Variants in SDK1 observed in about 807,000 individuals in gnomAD.
SDK1 encodes protein sidekick-1.
In SDK1, 157 loss-of-function variants were observed where a neutral mutation model predicts 245.5. The observed-to-expected ratio is 0.64, with a 90% CI of 0.56 to 0.73. The LOEUF is 0.73. SDK1 is among the 30% of genes least tolerant of loss of function. The pLI is 0.00. For missense variants in SDK1, 3,583 were observed against 3,002.3 expected (o/e 1.19, Z -4.52); for synonymous variants, 1,647 against 1,278.5 (o/e 1.29, Z -6.15).
At chr7:4,260,825 C>T (rs1787954741) in intron 44 of SDK1, among the ~76,000 whole-genome samples, 1 of 149,168 alleles carries the variant, frequency 6.7e-6, no homozygotes, top group African/African-American at 2.5e-5. Flanking sequence ...GCTGGCTGCT[C>T]CGGGGTCTCT....
chr7:3,637,831 A>G (rs1562621029), intron 2 of SDK1, among the ~76,000 whole-genome samples: 1 of 152,240 alleles, frequency 6.6e-6, no homozygotes, highest in Admixed American at 6.5e-5. Flanking sequence ...AAGTGAATAC[A>G]TTGTGCTGAG....
At chr7:3,665,916 A>G (rs1267880790) in intron 4 of SDK1, among the ~76,000 whole-genome samples, 1 of 152,046 alleles carries the variant, frequency 6.6e-6, no homozygotes, top group Non-Finnish European at 1.5e-5. Context: ...TATGAAGGGC[A>G]GGGAAACTCA....
chr7:3,693,197 G>A (rs1289081090), intron 4 of SDK1, among the ~76,000 whole-genome samples: 1 of 151,998 alleles, frequency 6.6e-6, no homozygotes, highest in Non-Finnish European at 1.5e-5. Flanking sequence ...CTTTGAGACT[G>A]TGTGGTTATA....
At chr7:4,224,044 C>T (rs756613411) in intron 40 of SDK1, among the ~76,000 whole-genome samples, 4 of 152,158 alleles carry the variant, frequency 2.6e-5, no homozygotes, top group East Asian at 1.9e-4. Context: ...CAAGGAACCA[C>T]GTCGCTAAAC....
chr7:3,684,581 A>T (rs961139033), intron 4 of SDK1, among the ~76,000 whole-genome samples: 2 of 152,244 alleles, frequency 1.3e-5, no homozygotes, highest in Non-Finnish European at 2.9e-5. Context: ...AATATGTGGG[A>T]TATACCTGAA....
rs145846291 is a variant in SDK1, at chr7:3,946,956, A to G, written c.848-3967A>G. The stretch of plus-strand genomic sequence containing the variant: ...TATTTAGCCCTTTGTGCTAATATTT[A>G]ACTCCGTGTCTTAACAATATGTGTC... On this transcript the variant is annotated intron_variant, in intron 5 of 44. Coordinates refer to ENST00000404826, the MANE Select transcript of SDK1 (RefSeq NM_152744.4). Among the ~76,000 whole-genome samples the G allele has an allele frequency of 3.2e-4, 49 of 152,310 alleles. No individual in the cohort carries two copies. In the East Asian group the frequency reaches 3.5e-3, roughly 11 times the overall value.
At chr7:3,791,422 G>C (rs1035658515) in intron 4 of SDK1, among the ~76,000 whole-genome samples, 1 of 152,204 alleles carries the variant, frequency 6.6e-6, no homozygotes, top group Non-Finnish European at 1.5e-5. Context: ...CATGGTGTGA[G>C]CATAAGGAAA....
chr7:3,918,087 G>C (rs754005103), intron 5 of SDK1, among the ~76,000 whole-genome samples: 2 of 152,154 alleles, frequency 1.3e-5, no homozygotes, highest in African/African-American at 4.8e-5. Flanking sequence ...TCTTAGACTG[G>C]ATCTCAGTTC....
chr7:3,944,851 C>G (rs140647681), intron 5 of SDK1, among the ~76,000 whole-genome samples: 9 of 152,188 alleles, frequency 5.9e-5, no homozygotes, highest in Non-Finnish European at 1.0e-4. Flanking sequence ...GGAGGCATCA[C>G]AACCACCTGG....
intron 5 of SDK1, among the ~76,000 whole-genome samples, chr7:3,847,054 C>T (rs1050642440): frequency 1.3e-5 from 2 of 151,910 alleles, no homozygotes; most frequent in African/African-American, 4.8e-5. Context: ...TGTAATCACG[C>T]TTCTTTTTTT....
Position 3,715,039 on chromosome 7 carries a change from ATC to A in SDK1, c.713+72939_713+72940del, listed in dbSNP as rs538256356. Among the ~76,000 whole-genome samples, 603 of 152,344 alleles carry A rather than the reference ATC, an allele frequency of 4.0e-3. 9 individuals are homozygous for A. Among genetic ancestry groups the A allele is most frequent in the African/African-American group, 0.014 (564 of 41,580 alleles). On this transcript the variant is annotated intron_variant, in intron 4 of 44. Transcript: ENST00000404826. ...GAAGAATCAAGTAGAGAGAATACTCATCTCTCAGATGCCTCAGCTTCTCCAAT... is the reference window on the plus strand; with the variant it reads ...GAAGAATCAAGTAGAGAGAATACTCATCTCAGATGCCTCAGCTTCTCCAAT...
intron 40 of SDK1, among the ~76,000 whole-genome samples, chr7:4,232,040 TA>T (rs1785807724): frequency 1.5e-5 from 2 of 129,366 alleles, no homozygotes; most frequent in African/African-American, 2.8e-5. Context: ...CCTCTGAGCC[TA>T]CTTTTTTTTT....
Position 4,077,341 on chromosome 7 carries a change from T to C in SDK1, c.3202+152T>C, listed in dbSNP as rs545709238. Reference sequence around the variant, plus strand: ...CAAGATGCTGGAGGGTAAATGGGTGTTGACCCCACTTCAGCCCCATTCTCC... The same window carrying C: ...CAAGATGCTGGAGGGTAAATGGGTGCTGACCCCACTTCAGCCCCATTCTCC... On this transcript the variant is annotated intron_variant, in intron 21 of 44. Coordinates refer to ENST00000404826, the MANE Select transcript of SDK1 (RefSeq NM_152744.4). The C allele has an allele frequency of 1.4e-4, 102 of 704,458 alleles. No individual in the cohort carries two copies. The African/African-American group carries it at 1.6e-3, about 11-fold the overall frequency. 43.6% of individuals were successfully genotyped at this position (704,458 alleles called of 1,614,324 possible).
chr7:3,597,375 C>T (rs190421412), intron 1 of SDK1, among the ~76,000 whole-genome samples: 12 of 151,960 alleles, frequency 7.9e-5, no homozygotes, highest in Non-Finnish European at 1.3e-4. Flanking sequence ...TCAACTTCTC[C>T]ATTTTCACAT....
At chr7:3,570,274 A>C (rs1012090314) in intron 1 of SDK1, among the ~76,000 whole-genome samples, 2 of 152,186 alleles carry the variant, frequency 1.3e-5, no homozygotes, top group Non-Finnish European at 2.9e-5. Context: ...ATCAGGCATT[A>C]GTTAGATTCT....
At chr7:3,900,882 C>T (rs1270104573) in intron 5 of SDK1, among the ~76,000 whole-genome samples, 3 of 152,116 alleles carry the variant, frequency 2.0e-5, no homozygotes, top group East Asian at 1.9e-4. Flanking sequence ...TTGAAAATTT[C>T]GCATTGATTT....
chr7:4,216,440 G>A (rs1784800547), intron 38 of SDK1, among the ~76,000 whole-genome samples: 1 of 152,084 alleles, frequency 6.6e-6, no homozygotes, highest in African/African-American at 2.4e-5. Context: ...CCTGCGTGGG[G>A]GACTCTGAAA....
At chr7:3,589,149 C>T (rs1004760994) in intron 1 of SDK1, among the ~76,000 whole-genome samples, 4 of 152,176 alleles carry the variant, frequency 2.6e-5, no homozygotes, top group Non-Finnish European at 5.9e-5. Flanking sequence ...TTAATGTGGG[C>T]CTTTTGACGT....
intron 1 of SDK1, among the ~76,000 whole-genome samples, chr7:3,317,652 C>T (rs1425544302): frequency 6.6e-6 from 1 of 152,176 alleles, no homozygotes; most frequent in African/African-American, 2.4e-5. Flanking sequence ...AGACTCTTCT[C>T]CCATGTTCAC....
Sources: allele counts gnomAD v4.1 joint callset (sites outside exome capture counted in the v4.1 genomes callset), GRCh38; gene constraint gnomAD v4.1.1; transcripts MANE v1.5; gene names NCBI Gene and HGNC (gene_info 2026-07-23, HGNC 2026-07-21).